Variants in GNAL observed in about 807,000 individuals in gnomAD.
GNAL encodes G protein subunit alpha L, also known as guanine nucleotide-binding protein G(olf) subunit alpha.
In GNAL, 18 loss-of-function variants were observed where a neutral mutation model predicts 55.1. That is an observed-to-expected ratio of 0.33 (90% CI 0.23 to 0.48). The LOEUF (loss-of-function observed/expected upper bound fraction) is 0.48, where lower values mean the gene tolerates loss of function less well. Among genes scored for constraint, GNAL ranks in the 20% least tolerant of loss-of-function variants. The pLI is 0.99. For missense variants in GNAL, 412 were observed against 614.1 expected, an observed-to-expected ratio of 0.67 and a Z score of 3.48; for synonymous variants, 253 against 237.0, an observed-to-expected ratio of 1.07 and a Z score of -0.62.
intron 4 of GNAL, among the ~76,000 whole-genome samples, chr18:11,814,605 G>C (rs573986836): frequency 6.6e-6 from 1 of 152,214 alleles, no homozygotes; most frequent in South Asian, 2.1e-4. Context: ...TTAAAAAGTT[G>C]CTCTTGGCCA....
intron 4 of GNAL, among the ~76,000 whole-genome samples, chr18:11,773,080 A>G (rs1241086386): frequency 6.6e-6 from 1 of 152,058 alleles, no homozygotes; most frequent in East Asian, 1.9e-4. Context: ...CTCACTTGCC[A>G]CCATCATCTC....
intron 1 of GNAL, among the ~76,000 whole-genome samples, chr18:11,711,606 A>T (rs76794175): frequency 2.0e-5 from 3 of 152,138 alleles, no homozygotes; most frequent in African/African-American, 7.2e-5. Flanking sequence ...AATTTTATGC[A>T]TACATAGTTT....
chr18:11,743,048 A>T (rs141543572), intron 1 of GNAL, among the ~76,000 whole-genome samples: 27 of 152,118 alleles, frequency 1.8e-4, no homozygotes, highest in African/African-American at 6.3e-4. Flanking sequence ...ACGAAATTGG[A>T]CTCTACGAAC....
chr18:11,751,592 C>G lies in GNAL; in HGVS notation c.377-1261C>G, dbSNP rs2032830170. ...CGCCCGCCAGGAGCAGGGACGCGTC[C>G]GAGCCAACACGGGGCGCGCGCCCAG... On this transcript the variant is annotated intron_variant, in intron 1 of 11. Coordinates refer to ENST00000334049, the MANE Select transcript of GNAL (RefSeq NM_182978.4). This position sits in a 1 kb window ranked among gnomAD's most constrained non-coding sequence, Gnocchi z 4.5. The G allele has an allele frequency of 1.0e-6, 1 of 985,432 alleles. No homozygotes were observed. Among genetic ancestry groups the G allele is most frequent in the African/African-American group, 1.7e-5 (1 of 57,352 alleles). 61.0% of individuals were successfully genotyped at this position (985,432 alleles called of 1,614,324 possible).
chr18:11,865,288 C>G (rs907582796), intron 7 of GNAL, among the ~76,000 whole-genome samples: 1 of 149,568 alleles, frequency 6.7e-6, no homozygotes, highest in Non-Finnish European at 1.5e-5. Flanking sequence ...TGCCTATGAC[C>G]AGCCCCGTCC....
In GNAL at chr18:11,728,679, CTT is replaced by C. The variant is rs1254111288; in HGVS notation, c.377-24172_377-24171del. On this transcript the variant is annotated intron_variant, in intron 1 of 11. Coordinates refer to ENST00000334049, the MANE Select transcript of GNAL (RefSeq NM_182978.4). ...TTCTGAACTTCATTTCACCCTCAGTCTTTGCACAGACATTGATTCCTTCACAT... is the reference window on the plus strand; with the variant it reads ...TTCTGAACTTCATTTCACCCTCAGTCTGCACAGACATTGATTCCTTCACAT... Among the ~76,000 whole-genome samples, 5 of 152,270 alleles carry C rather than the reference CTT, an allele frequency of 3.3e-5. No individual in the cohort carries two copies. The East Asian group carries it at 9.6e-4, about 29-fold the overall frequency.
chr18:11,707,862 A>G (rs970970742), intron 1 of GNAL, among the ~76,000 whole-genome samples: 3 of 152,210 alleles, frequency 2.0e-5, no homozygotes, highest in Non-Finnish European at 2.9e-5. Context: ...TATGGAGACA[A>G]CTGTTTTCCT....
At position 11,885,389 on chromosome 18, in the gene GNAL, A is replaced by G. The variant is rs1317558436; in HGVS notation, c.*4254A>G. The stretch of plus-strand genomic sequence containing the variant: ...AATGGTTGTTTCTTTAGAAAATTAA[A>G]CACACACAGAGTGTAAGAGGAGAGG... On this transcript the variant is annotated 3_prime_UTR_variant, in exon 12 of 12. Transcript: ENST00000334049. The G allele has an allele frequency of 2.6e-6, 1 of 391,298 alleles. No individual in the cohort carries two copies. The highest frequency in any genetic ancestry group is 4.6e-6 in the Non-Finnish European group (1 of 216,276). The allele number at this position is 391,298 out of a possible 1,614,324, so 24.2% of individuals were successfully genotyped here. A position where few individuals can be genotyped will look rare whatever the true frequency, so the allele number is the denominator to read the frequency against.
chr18:11,728,817 T>G (rs1168995084), intron 1 of GNAL, among the ~76,000 whole-genome samples: 1 of 152,228 alleles, frequency 6.6e-6, no homozygotes, highest in African/African-American at 2.4e-5. Context: ...ATGAGTTTTA[T>G]ATTGTGTAAT....
intron 5 of GNAL, among the ~76,000 whole-genome samples, chr18:11,835,797 A>G (rs1053324698): frequency 3.3e-5 from 5 of 152,182 alleles, no homozygotes; most frequent in Non-Finnish European, 7.3e-5. Context: ...AACTCAGGGA[A>G]AACAACTAAG....
At chr18:11,787,299 AC>A (rs1453194531) in intron 4 of GNAL, among the ~76,000 whole-genome samples, 12 of 152,214 alleles carry the variant, frequency 7.9e-5, no homozygotes, top group African/African-American at 2.9e-4. Flanking sequence ...AATGCATTTT[AC>A]ATCTCCTTAG....
chr18:11,788,914 A>AATATATATATATAT (rs766675246), intron 4 of GNAL, among the ~76,000 whole-genome samples: 13 of 56,284 alleles, frequency 2.3e-4, no homozygotes, highest in African/African-American at 4.0e-4. Context: ...AAAAAAAAAA[A>AATATATATATATAT]ATATATATAT....
chr18:11,855,632 C>A (rs1043437062), intron 5 of GNAL, among the ~76,000 whole-genome samples: 1 of 152,054 alleles, frequency 6.6e-6, no homozygotes, highest in African/African-American at 2.4e-5. Flanking sequence ...TACAGGCAGA[C>A]CATGAGGTTT....
At chr18:11,859,271 C>A (rs1006230871) in intron 5 of GNAL, among the ~76,000 whole-genome samples, 10 of 152,180 alleles carry the variant, frequency 6.6e-5, no homozygotes, top group African/African-American at 2.4e-4. Context: ...GCAGCCTTCT[C>A]ACCCAGAAAC....
At chr18:11,842,225 C>T (rs1469144678) in intron 5 of GNAL, among the ~76,000 whole-genome samples, 1 of 152,084 alleles carries the variant, frequency 6.6e-6, no homozygotes, top group Non-Finnish European at 1.5e-5. Context: ...AGGTGATACA[C>T]CTGCCTTGGC....
At chr18:11,717,686 G>A (rs1483453679) in intron 1 of GNAL, among the ~76,000 whole-genome samples, 3 of 152,154 alleles carry the variant, frequency 2.0e-5, no homozygotes, top group Non-Finnish European at 4.4e-5. Context: ...GCAAACTAAC[G>A]TAGGAACAGA....
chr18:11,702,539 A>G (rs1356144578), intron 1 of GNAL, among the ~76,000 whole-genome samples: 2 of 152,160 alleles, frequency 1.3e-5, no homozygotes, highest in African/African-American at 2.4e-5. Context: ...ACAGGCTACT[A>G]TTTGTTTATT....
At chr18:11,695,918 GCATGCACA>G (rs564539547) in intron 1 of GNAL, among the ~76,000 whole-genome samples, 3,247 of 147,660 alleles carry the variant, frequency 0.022, 108 homozygotes, top group African/African-American at 0.078. Context: ...ATGCATGCAC[GCATGCACA>G]CACACACACA....
chr18:11,700,101 G>C (rs2143314159), intron 1 of GNAL, among the ~76,000 whole-genome samples: 1 of 152,308 alleles, frequency 6.6e-6, no homozygotes, highest in Middle Eastern at 3.4e-3. Flanking sequence ...AGGAGGAGCT[G>C]GTGGAGAAGA....
Sources: gnomAD v4.1 joint callset for allele counts (sites outside exome capture counted in the v4.1 genomes callset) on GRCh38, gnomAD v4.1.1 for gene constraint, Gnocchi (gnomAD v3.1) non-coding constraint, MANE v1.5 for transcripts, NCBI Gene and HGNC (gene_info 2026-07-23, HGNC 2026-07-21) for gene names.